The following GRXCR1 variants were observed in gnomAD, a reference collection of about 807,000 sequenced individuals.
GRXCR1 encodes the protein glutaredoxin and cysteine rich domain containing 1, also known as glutaredoxin domain-containing cysteine-rich protein 1.
Under a neutral mutation model 27.3 loss-of-function variants are expected in GRXCR1, and 27 were observed. The observed-to-expected ratio is 0.99, with a 90% CI of 0.73 to 1.37. The LOEUF (loss-of-function observed/expected upper bound fraction) is 1.37, where lower values mean the gene tolerates loss of function less well. Among genes scored for constraint, GRXCR1 ranks in the 40% most tolerant of loss-of-function variants. GRXCR1 has a pLI of 0.00. For missense variants in GRXCR1, 379 were observed against 354.4 expected (o/e 1.07, Z -0.56); for synonymous variants, 122 against 131.1 (o/e 0.93, Z 0.47).
At chr4:42,966,580 C>G (rs1318148523) in intron 2 of GRXCR1, among the ~76,000 whole-genome samples, 1 of 152,194 alleles carries the variant, frequency 6.6e-6, no homozygotes, top group East Asian at 1.9e-4. Context: ...GGAACACTCA[C>G]AAAATTTCTC....
intron 2 of GRXCR1, among the ~76,000 whole-genome samples, chr4:42,980,430 C>A (rs1243649402): frequency 6.6e-6 from 1 of 151,746 alleles, no homozygotes; most frequent in Non-Finnish European, 1.5e-5. Context: ...TTTTAATTTT[C>A]CTGTTTTTGT....
chr4:42,894,159 C>T (rs1254075667), intron 1 of GRXCR1, among the ~76,000 whole-genome samples: 1 of 151,986 alleles, frequency 6.6e-6, no homozygotes, highest in Non-Finnish European at 1.5e-5. Context: ...AGGTTGCAGG[C>T]TTCATTCAAT....
At chr4:42,994,347 T>C (rs919675644) in intron 2 of GRXCR1, among the ~76,000 whole-genome samples, 1 of 152,166 alleles carries the variant, frequency 6.6e-6, no homozygotes. Context: ...GAGATTCTGC[T>C]TTATTTTACC....
intron 1 of GRXCR1, among the ~76,000 whole-genome samples, chr4:42,957,218 C>T (rs1748025430): frequency 6.6e-6 from 1 of 152,030 alleles, no homozygotes; most frequent in African/African-American, 2.4e-5. Context: ...AGAGAAGGTA[C>T]CCACGCACTA....
chr4:42,996,614 T>C (rs1462111004), intron 2 of GRXCR1, among the ~76,000 whole-genome samples: 1 of 152,152 alleles, frequency 6.6e-6, no homozygotes, highest in Non-Finnish European at 1.5e-5. Context: ...AAGTTTTTTT[T>C]TTCAAATAGT....
At chr4:42,979,027 A>G (rs1300357914) in intron 2 of GRXCR1, among the ~76,000 whole-genome samples, 3 of 152,044 alleles carry the variant, frequency 2.0e-5, no homozygotes, top group African/African-American at 7.2e-5. Context: ...CATGATTATA[A>G]GTTTCCTGAG....
chr4:42,896,882 G>A (rs966404253), intron 1 of GRXCR1, among the ~76,000 whole-genome samples: 1 of 152,010 alleles, frequency 6.6e-6, no homozygotes, highest in African/African-American at 2.4e-5. Flanking sequence ...GATGAATAAA[G>A]GTTATCCCAA....
At chr4:42,958,249 G>T (rs1245264703) in intron 1 of GRXCR1, among the ~76,000 whole-genome samples, 1 of 151,972 alleles carries the variant, frequency 6.6e-6, no homozygotes, top group East Asian at 1.9e-4. Flanking sequence ...AAGAAATGAG[G>T]ACTCCTACAC....
At chr4:42,983,201 A>G (rs1230910344) in intron 2 of GRXCR1, among the ~76,000 whole-genome samples, 1 of 151,060 alleles carries the variant, frequency 6.6e-6, no homozygotes, top group Non-Finnish European at 1.5e-5. Context: ...CTAACGTTGA[A>G]GTCTTTAATC....
rs745784596 is a variant in GRXCR1, at chr4:42,990,173, C to CTTTTTTTTTTTTTTTTTTTTTTTTTT, written c.627+27050_627+27075dup. The stretch of plus-strand genomic sequence containing the variant: ...AACTTCTTGAATTGAATTATTAGTT[C>CTTTTTTTTTTTTTTTTTTTTTTTTTT]TTTTTTTTTTTTTTTTTTTTTTTTT... On this transcript the variant is annotated intron_variant, in intron 2 of 3. Transcript: ENST00000399770. 8.7e-5 allele frequency among the ~76,000 whole-genome samples: 4 copies of CTTTTTTTTTTTTTTTTTTTTTTTTTT among 46,230 alleles called. 2 individuals carry two copies. Among genetic ancestry groups the CTTTTTTTTTTTTTTTTTTTTTTTTTT allele is most frequent in the African/African-American group, 1.7e-4 (2 of 11,894 alleles). 30.3% of individuals were successfully genotyped at this position (46,230 alleles called of 152,430 possible).
At position 42,893,077 on chromosome 4, in the gene GRXCR1, A is replaced by G. The variant is rs1367689334; in HGVS notation, c.-190A>G. The stretch of plus-strand genomic sequence containing the variant: ...TAGTTTAAAGGTAACCATAGCACAC[A>G]CACACACATTTATTATTAATAGCAG... On this transcript the variant is annotated 5_prime_UTR_variant, in exon 1 of 4. Coordinates refer to ENST00000399770, the MANE Select transcript of GRXCR1 (RefSeq NM_001080476.3). Among the ~76,000 whole-genome samples, 1 of 152,124 alleles carries G rather than the reference A, an allele frequency of 6.6e-6. No homozygotes were observed. The highest frequency in any genetic ancestry group is 2.4e-5 in the African/African-American group (1 of 41,446).
At chr4:42,951,653 C>T (rs1452270342) in intron 1 of GRXCR1, among the ~76,000 whole-genome samples, 1 of 152,150 alleles carries the variant, frequency 6.6e-6, no homozygotes, top group Non-Finnish European at 1.5e-5. Context: ...ATTTCTGGGT[C>T]AAATGGTACT....
intron 2 of GRXCR1, among the ~76,000 whole-genome samples, chr4:42,992,182 T>G (rs1029964238): frequency 6.6e-5 from 10 of 152,162 alleles, no homozygotes; most frequent in Non-Finnish European, 1.2e-4. Flanking sequence ...ACCACCTTAC[T>G]CAGAAATCCT....
chr4:42,951,227 A>G (rs1292445909), intron 1 of GRXCR1, among the ~76,000 whole-genome samples: 1 of 152,130 alleles, frequency 6.6e-6, no homozygotes, highest in Non-Finnish European at 1.5e-5. Flanking sequence ...TGTTCTATTC[A>G]CTCACTCAAC....
chr4:42,932,887 T>C (rs1180144432), intron 1 of GRXCR1, among the ~76,000 whole-genome samples: 1 of 151,552 alleles, frequency 6.6e-6, no homozygotes, highest in Non-Finnish European at 1.5e-5. Flanking sequence ...CCTCATCCTA[T>C]GCCTTGAGGT....
intron 1 of GRXCR1, among the ~76,000 whole-genome samples, chr4:42,943,957 G>T (rs1412065599): frequency 6.6e-6 from 1 of 151,994 alleles, no homozygotes; most frequent in Non-Finnish European, 1.5e-5. Context: ...TATCAATGGT[G>T]CTAAGGTTGA....
At chr4:43,017,170 A>T (rs1712956304) in intron 2 of GRXCR1, among the ~76,000 whole-genome samples, 1 of 152,232 alleles carries the variant, frequency 6.6e-6, no homozygotes, top group Non-Finnish European at 1.5e-5. Flanking sequence ...TGGCATGTTC[A>T]TTCTGGGCGT....
chr4:43,015,070 T>C (rs1175326135), intron 2 of GRXCR1, among the ~76,000 whole-genome samples: 1 of 152,034 alleles, frequency 6.6e-6, no homozygotes, highest in Non-Finnish European at 1.5e-5. Context: ...GGAAGAAAGA[T>C]AGAAGAAATA....
At chr4:42,921,488 G>C (rs1446658254) in intron 1 of GRXCR1, among the ~76,000 whole-genome samples, 1 of 152,060 alleles carries the variant, frequency 6.6e-6, no homozygotes, top group Non-Finnish European at 1.5e-5. Flanking sequence ...GAAATACTAT[G>C]ATGGCAGACA....
Sources: allele counts gnomAD v4.1 joint callset (sites outside exome capture counted in the v4.1 genomes callset), GRCh38; gene constraint gnomAD v4.1.1; transcripts MANE v1.5; gene names NCBI Gene and HGNC (gene_info 2026-07-23, HGNC 2026-07-21).